The following MEMO1 variants were observed in gnomAD, a reference collection of about 807,000 sequenced individuals.
The protein encoded by MEMO1 is mediator of cell motility 1, also known as protein MEMO1.
MEMO1 carries 6 observed loss-of-function variants against 45.2 expected under a neutral mutation model. That is an observed-to-expected ratio of 0.13 (90% confidence interval 0.07 to 0.26). The LOEUF (loss-of-function observed/expected upper bound fraction) is 0.26, where lower values mean the gene tolerates loss of function less well. Ranked by LOEUF, MEMO1 falls within the 10% of genes least tolerant of loss-of-function variation. The pLI, the probability that MEMO1 is intolerant of heterozygous loss-of-function variation, is 1.00. For synonymous variants in MEMO1, 78 were observed against 124.3 expected (o/e 0.63, Z 2.48); for missense variants, 184 against 370.5 (o/e 0.50, Z 4.13).
chr2:31,933,343 A>AT (rs1664459790), intron 3 of MEMO1, among the ~76,000 whole-genome samples: 8 of 45,228 alleles, frequency 1.8e-4, no homozygotes, highest in African/African-American at 6.7e-4. Context: ...AAAAAAAAAA[A>AT]AAAAAATTTA....
At chr2:31,969,263 C>CTA (rs150028904) in intron 2 of MEMO1, among the ~76,000 whole-genome samples, 2,723 of 145,400 alleles carry the variant, frequency 0.019, 34 homozygotes, top group East Asian at 0.026. Flanking sequence ...GGCTACAAAG[C>CTA]TATATATATA....
intron 2 of MEMO1, among the ~76,000 whole-genome samples, chr2:31,956,428 A>T (rs1667421344): frequency 6.6e-6 from 1 of 152,132 alleles, no homozygotes; most frequent in South Asian, 2.1e-4. Context: ...AGATTTGTAA[A>T]CATTAAGCAC....
intron 2 of MEMO1, among the ~76,000 whole-genome samples, chr2:31,998,922 A>C (rs1480945009): frequency 6.6e-6 from 1 of 152,160 alleles, no homozygotes; most frequent in Non-Finnish European, 1.5e-5. Context: ...GAACATCTCA[A>C]ACTTAAAATA....
intron 2 of MEMO1, among the ~76,000 whole-genome samples, chr2:31,990,366 G>A (rs1170431598): frequency 6.6e-6 from 1 of 152,110 alleles, no homozygotes; most frequent in Non-Finnish European, 1.5e-5. Flanking sequence ...ATGTTAGCAT[G>A]TAATGGGTTT....
At chr2:31,883,497 GA>G in intron 7 of MEMO1, 35 bp from the exon 8 acceptor site, 1 of 1,429,362 alleles carries the variant, frequency 7.0e-7, no homozygotes, top group Non-Finnish European at 9.5e-7. Flanking sequence ...ATAAAATAGG[GA>G]AAAATTAGAA....
intron 2 of MEMO1, among the ~76,000 whole-genome samples, chr2:31,987,809 CT>C (rs137956410): frequency 0.019 from 2,899 of 152,160 alleles, 53 homozygotes; most frequent in Middle Eastern, 0.048. Context: ...TTAAAACCAC[CT>C]TAGTGTATGG....
chr2:31,919,982 G>A (rs1207103896), intron 5 of MEMO1, among the ~76,000 whole-genome samples: 2 of 151,014 alleles, frequency 1.3e-5, no homozygotes, highest in African/African-American at 4.9e-5. Flanking sequence ...GTGTGTACAT[G>A]CGTGTGTGTG....
intron 3 of MEMO1, among the ~76,000 whole-genome samples, chr2:31,933,338 AAAAAAAAAAAATT>A (rs1664446985): frequency 1.7e-5 from 1 of 57,244 alleles, no homozygotes; most frequent in African/African-American, 7.9e-5. Flanking sequence ...AAAAAAAAAA[AAAAAAAAAAAATT>A]TATATATATA....
chr2:31,938,196 T>G (rs899344590), intron 3 of MEMO1, among the ~76,000 whole-genome samples: 1 of 152,196 alleles, frequency 6.6e-6, no homozygotes, highest in East Asian at 1.9e-4. Flanking sequence ...ATGGTATTTA[T>G]TCTATTTAAT....
At chr2:31,969,628 T>G (rs1040528721) in intron 2 of MEMO1, among the ~76,000 whole-genome samples, 2 of 147,922 alleles carry the variant, frequency 1.4e-5, no homozygotes, top group Non-Finnish European at 3.0e-5. Flanking sequence ...TGTGTGTGTG[T>G]GTGTGTTTAA....
At chr2:31,943,149 C>G (rs1423237669) in intron 3 of MEMO1, among the ~76,000 whole-genome samples, 153 bp downstream of exon 3, 1 of 152,076 alleles carries the variant, frequency 6.6e-6, no homozygotes, top group Non-Finnish European at 1.5e-5. Flanking sequence ...CCTGTAGTCC[C>G]AACTGCTCAG....
rs956105134 is a variant in MEMO1 at position 31,879,935 on chromosome 2, C to T, written c.657+3451G>A. Among the ~76,000 whole-genome samples, 6 of 152,184 alleles carry T rather than the reference C, an allele frequency of 3.9e-5. No individual in the cohort carries two copies. The East Asian group carries it at 1.2e-3, about 29-fold the overall frequency. ...ATTAGTGAGTATCAGCATCTATGTA[C>T]ACAAGGAAGCCAGAAATCATCCCAC... On this transcript the variant is annotated intron_variant, in intron 8 of 9. Transcript: ENST00000404530.
At chr2:31,900,206 T>G (rs1265146995) in intron 6 of MEMO1, among the ~76,000 whole-genome samples, 1 of 152,218 alleles carries the variant, frequency 6.6e-6, no homozygotes, top group Non-Finnish European at 1.5e-5. Context: ...TTATAAATCA[T>G]TCTATTATAA....
intron 4 of MEMO1, among the ~76,000 whole-genome samples, chr2:31,926,388 A>C (rs1465062091): frequency 6.6e-6 from 1 of 151,988 alleles, no homozygotes; most frequent in Non-Finnish European, 1.5e-5. Context: ...AAAAAAAAAA[A>C]AAAAACAGAA....
At chr2:31,876,808 T>TCCA (rs1674637611) in intron 8 of MEMO1, among the ~76,000 whole-genome samples, 1 of 151,884 alleles carries the variant, frequency 6.6e-6, no homozygotes, top group South Asian at 2.1e-4. Flanking sequence ...CCAAGCTCAA[T>TCCA]CCACCTCCAA....
At chr2:31,995,546 T>TA (rs1672485853) in intron 2 of MEMO1, among the ~76,000 whole-genome samples, 1 of 151,758 alleles carries the variant, frequency 6.6e-6, no homozygotes, top group Admixed American at 6.6e-5. Flanking sequence ...AAAGCAAAAT[T>TA]AGATACTGCA....
At position 31,923,729 on chromosome 2, in the gene MEMO1, G is replaced by C. The variant is rs1682676415; in HGVS notation, c.213-2819C>G. The C allele has an allele frequency of 2.6e-6, 4 of 1,538,246 alleles. No individual in the cohort carries two copies. The African/African-American group carries it at 4.2e-5, about 16-fold the overall frequency. On this transcript the variant is annotated intron_variant, in intron 4 of 9. Coordinates refer to ENST00000404530, the MANE Select transcript of MEMO1 (RefSeq NM_001301833.4). ...GATATTTAACATCAGAGCACTCCTGGAAAATCTGAAACACACAGTCAAAAT... is the reference window on the plus strand; with the variant it reads ...GATATTTAACATCAGAGCACTCCTGCAAAATCTGAAACACACAGTCAAAAT...
chr2:31,950,937 C>T (rs1572784897), intron 2 of MEMO1, among the ~76,000 whole-genome samples: 4 of 152,236 alleles, frequency 2.6e-5, no homozygotes, highest in Admixed American at 2.0e-4. Context: ...TCCATAGTAT[C>T]GTCCTTCATA....
intron 6 of MEMO1, among the ~76,000 whole-genome samples, chr2:31,898,146 T>G (rs1279909766): frequency 6.6e-6 from 1 of 152,020 alleles, no homozygotes; most frequent in Non-Finnish European, 1.5e-5. Context: ...TCTGTTTCGT[T>G]AATCTTTTGA....
Sources: gnomAD v4.1 joint callset for allele counts (sites outside exome capture counted in the v4.1 genomes callset) on GRCh38, gnomAD v4.1.1 for gene constraint, MANE v1.5 for transcripts, NCBI Gene and HGNC (gene_info 2026-07-23, HGNC 2026-07-21) for gene names.